The following YTHDF3 variants were observed in gnomAD, a reference collection of about 807,000 sequenced individuals.
YTHDF3 encodes the protein YTH N6-methyladenosine RNA binding protein F3, also known as YTH domain-containing family protein 3.
YTHDF3 carries 9 observed loss-of-function variants against 52.5 expected under a neutral mutation model. The observed-to-expected ratio is 0.17, with a 90% CI of 0.10 to 0.30. YTHDF3 has a LOEUF of 0.30. Among genes scored for constraint, YTHDF3 ranks in the 10% least tolerant of loss-of-function variants. The pLI is 1.00. For missense variants in YTHDF3, 534 were observed against 715.0 expected (o/e 0.75, Z 2.89); for synonymous variants, 274 against 243.3 (o/e 1.13, Z -1.18).
rs1810411036 is a variant in YTHDF3 at position 63,212,368 on chromosome 8, A to G, written c.*2662A>G. The G allele has an allele frequency of 6.6e-6, 1 of 152,600 alleles. No homozygotes were observed. The highest frequency in any genetic ancestry group is 1.5e-5 in the Non-Finnish European group (1 of 68,030). 9.5% of individuals were successfully genotyped at this position (152,600 alleles called of 1,614,324 possible). A position where few individuals can be genotyped will look rare whatever the true frequency, so the allele number is the denominator to read the frequency against. ...TCTTTTTAATTTAAGTGATCTTTCTAATTCGAAAGCTGTGTTCTTTTTGAA... is the reference window on the plus strand; with the variant it reads ...TCTTTTTAATTTAAGTGATCTTTCTGATTCGAAAGCTGTGTTCTTTTTGAA... On this transcript the variant is annotated 3_prime_UTR_variant, in exon 5 of 5. Coordinates refer to ENST00000539294, the MANE Select transcript of YTHDF3 (RefSeq NM_152758.6).
chr8:63,183,210 C>CTT (rs1808268566), intron 3 of YTHDF3, among the ~76,000 whole-genome samples: 1 of 152,116 alleles, frequency 6.6e-6, no homozygotes, highest in Admixed American at 6.5e-5. Context: ...ATATGCCTGC[C>CTT]TTGGCCTCTC....
At chr8:63,170,967 A>G (rs943181708) in intron 2 of YTHDF3, among the ~76,000 whole-genome samples, 4 of 152,226 alleles carry the variant, frequency 2.6e-5, no homozygotes, top group Admixed American at 6.5e-5. Flanking sequence ...TGAGTTATCT[A>G]TAAACTGCAT....
At position 63,187,004 on chromosome 8, in the gene YTHDF3, A is replaced by T; in HGVS notation, c.993A>T (p.Gln331His). The T allele has an allele frequency of 6.2e-7, 1 of 1,613,620 alleles. No homozygotes were observed. The highest frequency in any genetic ancestry group is 8.5e-7 in the Non-Finnish European group (1 of 1,179,724). Reference sequence around the variant, plus strand: ...CTCAACCACCACAACCACAGCAGCAACAAGGACCTCAGCCACAGGCCCAGC... The same window carrying T: ...CTCAACCACCACAACCACAGCAGCATCAAGGACCTCAGCCACAGGCCCAGC... The part of the protein sequence containing the change: ...QQPQPPQPQQ[Q>H]QGPQPQAQPH... The change falls in exon 4 of 5, where the codon CAA becomes CAT. Residue 331 changes from glutamine (Q) to histidine (H), a missense_variant. Around this residue, in one of 3 missense-constraint regions of YTHDF3, gnomAD observed 203 missense variants for 201.3 expected, o/e 1.01. Transcript: ENST00000539294.
chr8:63,179,002 T>G (rs1380510650), intron 3 of YTHDF3, among the ~76,000 whole-genome samples: 1 of 151,980 alleles, frequency 6.6e-6, no homozygotes, highest in Non-Finnish European at 1.5e-5. Flanking sequence ...AAATTATAAA[T>G]AAAAAATATT....
At position 63,186,170 on chromosome 8, in the gene YTHDF3, A is replaced by T; in HGVS notation, c.159A>T (p.Ser53=). ...TNQSNSYPPM[S]DPYMPSYYAP... ...AGAGTAACAGCTATCCACCAATGTC[A>T]GATCCATACATGCCTAGTTACTATG... Residue 53 remains serine, a synonymous_variant, in exon 4 of 5, where the codon TCA becomes TCT. Transcript: ENST00000539294. 1 of 1,612,588 alleles carries T rather than the reference A, an allele frequency of 6.2e-7. No individual in the cohort carries two copies. Among genetic ancestry groups the T allele is most frequent in the Non-Finnish European group, 8.5e-7 (1 of 1,178,772 alleles).
Position 63,186,914 on chromosome 8 carries a change from C to G in YTHDF3, c.903C>G (p.Ile301Met). 1 of 1,614,004 alleles carries G rather than the reference C, an allele frequency of 6.2e-7. No homozygotes were observed. Reference protein sequence around the residue: ...TQPVLPPQTIIQQPQPLIQPP... With the variant: ...TQPVLPPQTIMQQPQPLIQPP... ...CAGTTCTGCCTCCTCAAACTATAAT[C>G]CAGCAGCCTCAGCCATTAATTCAAC... is the stretch of plus-strand genomic sequence containing the variant. Residue 301 changes from isoleucine to methionine, a missense_variant, in exon 4 of 5, where the codon ATC (isoleucine) becomes ATG (methionine). This residue lies in a region of YTHDF3 where 203 missense variants were observed against 201.3 expected (regional missense o/e 1.01). Coordinates refer to ENST00000539294, the MANE Select transcript of YTHDF3 (RefSeq NM_152758.6).
chr8:63,176,753 C>T (rs1014936701), intron 3 of YTHDF3, among the ~76,000 whole-genome samples: 1 of 151,926 alleles, frequency 6.6e-6, no homozygotes. Context: ...TCTTGGCTCA[C>T]TCCAACCTCT....
intron 3 of YTHDF3, among the ~76,000 whole-genome samples, chr8:63,180,268 G>A (rs1353190443): frequency 1.5e-4 from 22 of 148,870 alleles, no homozygotes; most frequent in Non-Finnish European, 2.8e-4. Context: ...CGGGGCGGCC[G>A]GGCAGAGATG....
At chr8:63,182,955 C>T (rs1306873804) in intron 3 of YTHDF3, among the ~76,000 whole-genome samples, 3 of 143,606 alleles carry the variant, frequency 2.1e-5, no homozygotes, top group Non-Finnish European at 3.0e-5. Context: ...ACAGTTTTAT[C>T]TTTTTTTTTT....
chr8:63,195,731 C>CGTGTGTGTGTGT (rs61277098), intron 4 of YTHDF3, among the ~76,000 whole-genome samples: 6 of 145,266 alleles, frequency 4.1e-5, no homozygotes, highest in African/African-American at 1.0e-4. Flanking sequence ...CATGTATTTA[C>CGTGTGTGTGTGT]GTGTGTGTGT....
rs767721927 is a variant in YTHDF3, at chr8:63,187,318, C to T, written c.1307C>T (p.Ser436Phe). 2.5e-6 allele frequency: 4 copies of T among 1,614,034 alleles called. No homozygotes were observed. Among genetic ancestry groups the T allele is most frequent in the Non-Finnish European group, 3.4e-6 (4 of 1,179,894 alleles). Residue 436 changes from serine (S) to phenylalanine (F), a missense_variant, in exon 4 of 5, where the codon TCT becomes TTT. By Grantham distance (155) the Ser-to-Phe change is radical. This residue lies in a region of YTHDF3 where 135 missense variants were observed against 214.2 expected (regional missense o/e 0.63). Transcript: ENST00000539294. ...GACATACATCGTTCCATTAAATACTCTATCTGGTGTAGTACTGAGCATGGT... is the reference window on the plus strand; with the variant it reads ...GACATACATCGTTCCATTAAATACTTTATCTGGTGTAGTACTGAGCATGGT... ...EDDIHRSIKY[S>F]IWCSTEHGNK...
intron 4 of YTHDF3, among the ~76,000 whole-genome samples, chr8:63,202,864 A>G (rs1441695771): frequency 6.6e-6 from 1 of 152,160 alleles, no homozygotes; most frequent in Non-Finnish European, 1.5e-5. Context: ...TGAATCTATT[A>G]GATGTTTTAA....
rs1279852263 is a variant in YTHDF3, at chr8:63,168,728, G to T, written c.-150G>T. On this transcript the variant is annotated 5_prime_UTR_variant, in exon 1 of 5. Transcript: ENST00000539294. ...GGGCCTCTTCCTCCGACTCCCGAGCGCGAGGCCCTCATTTTGGGTTCTCAG... is the reference window on the plus strand; with the variant it reads ...GGGCCTCTTCCTCCGACTCCCGAGCTCGAGGCCCTCATTTTGGGTTCTCAG... 3 of 1,471,296 alleles carry T rather than the reference G, an allele frequency of 2.0e-6. No homozygotes were observed. Among genetic ancestry groups the T allele is most frequent in the Admixed American group, 2.0e-5 (1 of 49,976 alleles). 91.1% of individuals were successfully genotyped at this position (1,471,296 alleles called of 1,614,324 possible).
At chr8:63,175,308 T>A in intron 2 of YTHDF3, 23 bp from the exon 3 acceptor site, 2 of 1,564,858 alleles carry the variant, frequency 1.3e-6, no homozygotes, top group Non-Finnish European at 1.7e-6. Flanking sequence ...ACTACAACAC[T>A]TCTAATACAA....
chr8:63,198,941 A>G (rs949750354), intron 4 of YTHDF3, among the ~76,000 whole-genome samples: 15 of 152,202 alleles, frequency 9.9e-5, no homozygotes, highest in African/African-American at 2.9e-4. Flanking sequence ...ATTTGATACA[A>G]TAAACTTTTA....
At chr8:63,204,937 C>T (rs1408426255) in intron 4 of YTHDF3, among the ~76,000 whole-genome samples, 2 of 152,092 alleles carry the variant, frequency 1.3e-5, no homozygotes, top group African/African-American at 2.4e-5. Context: ...TAAGGGCATG[C>T]GGTAGGCTCC....
rs1229299287 is a variant in YTHDF3 at position 63,168,844 on chromosome 8, G to A, written c.-34G>A. On this transcript the variant is annotated 5_prime_UTR_variant, in exon 1 of 5. Coordinates refer to ENST00000539294, the MANE Select transcript of YTHDF3 (RefSeq NM_152758.6). ...GTGCACGGGGAGAGGCCCAGGCAGC[G>A]GCGGCGGCGGCGGCTCTCGGGTTGC... The A allele has an allele frequency of 1.3e-6, 2 of 1,543,000 alleles. No homozygotes were observed. The highest frequency in any genetic ancestry group is 8.8e-7 in the Non-Finnish European group (1 of 1,142,728).
intron 4 of YTHDF3, among the ~76,000 whole-genome samples, chr8:63,191,120 C>G (rs765236651): frequency 6.6e-5 from 10 of 152,126 alleles, no homozygotes; most frequent in African/African-American, 2.4e-4. Flanking sequence ...TGAGGCCAGC[C>G]TACATTTTTT....
intron 4 of YTHDF3, among the ~76,000 whole-genome samples, chr8:63,204,187 T>G (rs1809831415): frequency 6.6e-6 from 1 of 152,106 alleles, no homozygotes; most frequent in African/African-American, 2.4e-5. Flanking sequence ...CCTCTCATTT[T>G]TTTTTCTTTG....
Sources: allele counts gnomAD v4.1 joint callset (sites outside exome capture counted in the v4.1 genomes callset), GRCh38; gene constraint gnomAD v4.1.1; regional missense constraint gnomAD v4.1.1; transcripts MANE v1.5; gene names NCBI Gene and HGNC (gene_info 2026-07-23, HGNC 2026-07-21).